DACH1: variants seen among roughly 807,000 people sequenced by gnomAD.
The protein encoded by DACH1 is dachshund homolog 1.
In DACH1, 12 loss-of-function variants were observed where a neutral mutation model predicts 54.2. That is an observed-to-expected ratio of 0.22 (90% CI 0.14 to 0.36). The LOEUF (loss-of-function observed/expected upper bound fraction) is 0.36, where lower values mean the gene tolerates loss of function less well. Ranked by LOEUF, DACH1 falls within the 10% of genes least tolerant of loss-of-function variation. The probability of loss-of-function intolerance (pLI) is 1.00; values close to 1 mark genes in which losing one functional copy is unlikely to be tolerated. For synonymous variants in DACH1, 386 were observed against 366.2 expected (o/e 1.05, Z -0.62); for missense variants, 805 against 929.8 (o/e 0.87, Z 1.75).
intron 1 of DACH1, among the ~76,000 whole-genome samples, chr13:71,769,339 C>A (rs902063386): frequency 3.3e-5 from 5 of 151,622 alleles, no homozygotes; most frequent in African/African-American, 4.8e-5. Context: ...CAAAAATAGA[C>A]CCTTCCATTT....
At chr13:71,738,751 A>C (rs1248311738) in intron 1 of DACH1, among the ~76,000 whole-genome samples, 1 of 147,516 alleles carries the variant, frequency 6.8e-6, no homozygotes, top group African/African-American at 2.5e-5. Context: ...AAAAAAAAAA[A>C]AAAAAAAAAA....
chr13:71,863,309 T>C (rs1485898341), intron 1 of DACH1, among the ~76,000 whole-genome samples: 1 of 152,118 alleles, frequency 6.6e-6, no homozygotes, highest in Non-Finnish European at 1.5e-5. Context: ...CCAAGGTAGG[T>C]ATTTGCAACT....
At chr13:71,576,171 T>C (rs1380348641) in intron 3 of DACH1, among the ~76,000 whole-genome samples, 1 of 152,104 alleles carries the variant, frequency 6.6e-6, no homozygotes, top group African/African-American at 2.4e-5. Context: ...AAGAAATTTC[T>C]AACATTTGGC....
chr13:71,742,570 AT>A (rs2137951536), intron 1 of DACH1, among the ~76,000 whole-genome samples: 1 of 152,282 alleles, frequency 6.6e-6, no homozygotes, highest in South Asian at 2.1e-4. Context: ...GAAATGTTTT[AT>A]TTGTAGTTTT....
intron 6 of DACH1, among the ~76,000 whole-genome samples, chr13:71,515,900 T>G (rs1009768283): frequency 3.3e-5 from 5 of 151,918 alleles, no homozygotes; most frequent in African/African-American, 1.2e-4. Flanking sequence ...ACAATGACAC[T>G]GTTATCTTAA....
chr13:71,862,212 GAATATTTTAGAT>G (rs1011429214), intron 1 of DACH1, among the ~76,000 whole-genome samples: 1 of 151,908 alleles, frequency 6.6e-6, no homozygotes, highest in African/African-American at 2.4e-5. Flanking sequence ...TGAAAGAAAT[GAATATTTTAGAT>G]AACATAATAA....
intron 7 of DACH1, among the ~76,000 whole-genome samples, chr13:71,486,446 T>A (rs965305990): frequency 6.6e-6 from 1 of 152,150 alleles, no homozygotes; most frequent in Non-Finnish European, 1.5e-5. Flanking sequence ...TCCGGGGTCA[T>A]GACTGTTTAA....
chr13:71,663,542 A>G (rs567259175), intron 2 of DACH1, among the ~76,000 whole-genome samples: 8 of 152,110 alleles, frequency 5.3e-5, no homozygotes, highest in African/African-American at 1.7e-4. Context: ...ACAATGTGCT[A>G]CTGGAGCACT....
chr13:71,566,832 T>C (rs1326470874), intron 4 of DACH1, among the ~76,000 whole-genome samples: 4 of 152,044 alleles, frequency 2.6e-5, no homozygotes, highest in African/African-American at 7.2e-5. Flanking sequence ...GTGAAAAAAA[T>C]TTATGTCTAA....
intron 3 of DACH1, among the ~76,000 whole-genome samples, chr13:71,580,886 T>C (rs994424371): frequency 6.6e-6 from 1 of 152,206 alleles, no homozygotes; most frequent in African/African-American, 2.4e-5. Flanking sequence ...TTACCTCAGC[T>C]GCTGTAATCA....
At chr13:71,736,710 T>C (rs1884139033) in intron 1 of DACH1, among the ~76,000 whole-genome samples, 1 of 152,124 alleles carries the variant, frequency 6.6e-6, no homozygotes, top group Admixed American at 6.5e-5. Context: ...CAATAGACAA[T>C]CACAGCAATA....
At chr13:71,644,517 G>A (rs1328836139) in intron 2 of DACH1, among the ~76,000 whole-genome samples, 3 of 152,178 alleles carry the variant, frequency 2.0e-5, no homozygotes, top group Non-Finnish European at 4.4e-5. Context: ...CACCAACAGA[G>A]TTCATATAAA....
Position 71,538,197 on chromosome 13 carries a change from T to C in DACH1, c.1570+18827A>G, listed in dbSNP as rs78316227. Among the ~76,000 whole-genome samples the C allele has an allele frequency of 5.8e-3, 889 of 152,170 alleles. 10 individuals carry two copies. The highest frequency in any genetic ancestry group is 0.02 in the African/African-American group (840 of 41,548). On this transcript the variant is annotated intron_variant, in intron 6 of 10. Transcript: ENST00000613252. ...GGCTAGAAAATGGAACCGATTCAAA[T>C]AATACTAAGGTTAAAAATCTAATTA...
chr13:71,775,176 G>A (rs1886015992), intron 1 of DACH1, among the ~76,000 whole-genome samples: 1 of 116,456 alleles, frequency 8.6e-6, no homozygotes, highest in South Asian at 2.8e-4. Context: ...CTAGGTGCTC[G>A]CCTGTAATCC....
At chr13:71,797,022 C>A (rs1359199741) in intron 1 of DACH1, among the ~76,000 whole-genome samples, 6 of 151,798 alleles carry the variant, frequency 4.0e-5, no homozygotes, top group African/African-American at 1.2e-4. Flanking sequence ...TCCAAATACA[C>A]CTAAGTTAAC....
chr13:71,861,123 T>G (rs183661113), intron 1 of DACH1, among the ~76,000 whole-genome samples: 23 of 151,862 alleles, frequency 1.5e-4, no homozygotes, highest in Non-Finnish European at 2.7e-4. Flanking sequence ...GAGTGAGATT[T>G]AATAGAATAA....
chr13:71,591,521 G>A (rs1356957548), intron 3 of DACH1, among the ~76,000 whole-genome samples: 1 of 152,026 alleles, frequency 6.6e-6, no homozygotes, highest in Non-Finnish European at 1.5e-5. Context: ...TTACTAAATG[G>A]CTTGAAAGAA....
intron 10 of DACH1, among the ~76,000 whole-genome samples, chr13:71,446,838 C>T (rs1415329004): frequency 2.6e-5 from 4 of 152,176 alleles, no homozygotes; most frequent in Non-Finnish European, 4.4e-5. Flanking sequence ...ATTCTTACAG[C>T]GTAGTTTCAA....
chr13:71,563,023 T>C (rs760370339), intron 4 of DACH1, among the ~76,000 whole-genome samples: 3 of 152,072 alleles, frequency 2.0e-5, no homozygotes, highest in Non-Finnish European at 4.4e-5. Context: ...TGTCCAGAGA[T>C]ATACTCTTAA....
Sources: allele counts gnomAD v4.1 joint callset (sites outside exome capture counted in the v4.1 genomes callset), GRCh38; gene constraint gnomAD v4.1.1; transcripts MANE v1.5; gene names NCBI Gene and HGNC (gene_info 2026-07-23, HGNC 2026-07-21).